Variants in TF observed in about 807,000 individuals in gnomAD.
TF encodes the protein serotransferrin.
TF carries 55 observed loss-of-function variants against 82.4 expected under a neutral mutation model. The ratio of observed to expected loss-of-function variants is 0.67; its 90% CI spans 0.54 to 0.84. The LOEUF (loss-of-function observed/expected upper bound fraction) is 0.84. TF is among the 40% of genes least tolerant of loss of function. The pLI is 0.00. For synonymous variants in TF, 332 were observed against 332.6 expected, an observed-to-expected ratio of 1.00 and a Z score of 0.02; for missense variants, 737 against 868.4, an observed-to-expected ratio of 0.85 and a Z score of 1.90.
chr3:133,663,360 T>TTC, the TF span, among the ~76,000 whole-genome samples: 1 of 149,634 alleles, frequency 6.7e-6, no homozygotes, highest in South Asian at 2.1e-4. Flanking sequence ...AATTTTTTTT[T>TTC]TTTTTTTTTT....
chr3:133,762,117 A>G (rs1934010549), intron 9 of TF: 1 of 213,662 alleles, frequency 4.7e-6, no homozygotes, highest in Non-Finnish European at 1.0e-5. Context: ...TTTACAGATG[A>G]TCGATCATAA....
the TF span, among the ~76,000 whole-genome samples, chr3:133,732,105 A>G: frequency 8.5e-5 from 13 of 152,196 alleles, no homozygotes; most frequent in South Asian, 2.1e-4. Context: ...GAAGGGGAAG[A>G]TATTGGTCAG....
rs1342211819 is a variant in TF at position 133,755,361 on chromosome 3, A to G, written c.503-2A>G. ...TGTTGTCCATTTCTCTGTGCTGAGC[A>G]GCAGTGGCCAATTTCTTCTCGGGCA... On this transcript the variant is annotated splice_acceptor_variant, in intron 4 of 16. Transcript: ENST00000402696. LOFTEE classifies it high-confidence loss of function. The G allele has an allele frequency of 3.7e-6, 6 of 1,614,062 alleles. No homozygotes were observed. The highest frequency in any genetic ancestry group is 4.2e-6 in the Non-Finnish European group (5 of 1,180,040).
chr3:133,696,020 C>T, the TF span, among the ~76,000 whole-genome samples: 1,004 of 152,288 alleles, frequency 6.6e-3, 9 homozygotes, highest in African/African-American at 0.023. Flanking sequence ...CCTGGCACTT[C>T]CCGTTTATGT....
At position 133,782,081 on chromosome 3, in the gene TF, T is replaced by C. The variant is rs769346055; in HGVS notation, c.*3461T>C. 6.6e-6 allele frequency: 1 copy of C among 152,126 alleles called. No homozygotes were observed. Among genetic ancestry groups the C allele is most frequent in the Non-Finnish European group, 1.5e-5 (1 of 68,026 alleles). 9.4% of individuals were successfully genotyped at this position (152,126 alleles called of 1,614,324 possible). ...TCACTAATCATAAGGGAAATGTGAA[T>C]TGAAACCATTATGAGACACTAGATA... On this transcript the variant is annotated 3_prime_UTR_variant, in exon 17 of 17. Coordinates refer to ENST00000402696, the MANE Select transcript of TF (RefSeq NM_001063.4).
In TF at chr3:133,790,662, AT is replaced by A. The variant is rs777306233; in HGVS notation, c.*12044del. 16 of 152,244 alleles carry A rather than the reference AT, an allele frequency of 1.1e-4. No individual in the cohort carries two copies. Among genetic ancestry groups the A allele is most frequent in the Non-Finnish European group, 2.9e-5 (2 of 68,046 alleles). 9.4% of individuals were successfully genotyped at this position (152,244 alleles called of 1,614,324 possible). On this transcript the variant is annotated 3_prime_UTR_variant, in exon 17 of 17. Transcript: ENST00000402696. Reference sequence around the variant, plus strand: ...AAAGAAATGCATCGGCAGTTTGGCAATTCCTTTTTACTATAGTTAAGCATGA... The same window carrying A: ...AAAGAAATGCATCGGCAGTTTGGCAATCCTTTTTACTATAGTTAAGCATGA...
the TF span, among the ~76,000 whole-genome samples, chr3:133,740,125 C>T: frequency 6.6e-6 from 1 of 152,140 alleles, no homozygotes; most frequent in Admixed American, 6.5e-5. Flanking sequence ...ACATGTGGCA[C>T]ATATACACGA....
intron 2 of TF, among the ~76,000 whole-genome samples, chr3:133,749,501 G>T (rs551220850): frequency 1.3e-5 from 2 of 152,164 alleles, no homozygotes; most frequent in Non-Finnish European, 2.9e-5. Flanking sequence ...CCAAAATGTG[G>T]GGATGTACAA....
the TF span, among the ~76,000 whole-genome samples, chr3:133,701,350 C>A: frequency 1.3e-5 from 2 of 152,208 alleles, no homozygotes; most frequent in Non-Finnish European, 2.9e-5. Flanking sequence ...AATAGTCCAT[C>A]TTAAACTGAA....
chr3:133,729,265 A>C, the TF span, among the ~76,000 whole-genome samples: 58,474 of 152,058 alleles, frequency 0.38, 11,809 homozygotes, highest in South Asian at 0.5. Flanking sequence ...CCAGAGATGG[A>C]GCCTACAAAG....
chr3:133,734,260 A>T, the TF span, among the ~76,000 whole-genome samples: 2 of 152,178 alleles, frequency 1.3e-5, no homozygotes, highest in Admixed American at 1.3e-4. Context: ...GGCACCCAGA[A>T]TTTGCTTTCT....
chr3:133,745,476 T>C (rs1933474763), upstream of TF, among the ~76,000 whole-genome samples: 1 of 152,240 alleles, frequency 6.6e-6, no homozygotes, highest in Non-Finnish European at 1.5e-5. Context: ...GATTGAAGTG[T>C]ACACATTTTT....
chr3:133,760,260 A>AT (rs1283068207), intron 9 of TF: 5 of 152,246 alleles, frequency 3.3e-5, no homozygotes, highest in Admixed American at 6.6e-5. Context: ...TTGTCAACAG[A>AT]TTTTTGCTGA....
At chr3:133,697,743 A>C in the TF span, among the ~76,000 whole-genome samples, 1 of 152,248 alleles carries the variant, frequency 6.6e-6, no homozygotes, top group African/African-American at 2.4e-5. Context: ...TTACTAAATC[A>C]TTTTGAAATT....
In TF at chr3:133,792,598, G is replaced by A. The variant is rs1020753969; in HGVS notation, c.*13978G>A. On this transcript the variant is annotated 3_prime_UTR_variant, in exon 17 of 17. Transcript: ENST00000402696. ...AAAGTTTTCACCAAAAGTAAAACTC[G>A]CTAAGAGTTAACATTGTAACATGTA... The A allele has an allele frequency of 7.9e-5, 12 of 152,072 alleles. No individual in the cohort carries two copies. Among genetic ancestry groups the A allele is most frequent in the African/African-American group, 2.4e-4 (10 of 41,410 alleles). The allele number at this position is 152,072 out of a possible 1,614,324, so 9.4% of individuals were successfully genotyped here. A position where few individuals can be genotyped will look rare whatever the true frequency, so the allele number is the denominator to read the frequency against.
chr3:133,785,024 C>T lies in TF; in HGVS notation c.*6404C>T, dbSNP rs571839782. 1.3e-5 allele frequency: 1 copy of T among 78,478 alleles called. No individual in the cohort carries two copies. Among genetic ancestry groups the T allele is most frequent in the Admixed American group, 1.6e-4 (1 of 6,272 alleles). 4.9% of individuals were successfully genotyped at this position (78,478 alleles called of 1,614,324 possible). A position where few individuals can be genotyped will look rare whatever the true frequency, so the allele number is the denominator to read the frequency against. ...GGGGTCAGCCCCCCGCCCGGCCAGCCGCCCCGTCTGGGAGGTGAGGGGCGC... is the reference window on the plus strand; with the variant it reads ...GGGGTCAGCCCCCCGCCCGGCCAGCTGCCCCGTCTGGGAGGTGAGGGGCGC... On this transcript the variant is annotated 3_prime_UTR_variant, in exon 17 of 17. Coordinates refer to ENST00000402696, the MANE Select transcript of TF (RefSeq NM_001063.4).
At chr3:133,755,875 C>T in intron 5 of TF, 1 of 435,970 alleles carries the variant, frequency 2.3e-6, no homozygotes, top group East Asian at 4.8e-5. Flanking sequence ...CAGCACACTG[C>T]CTGTCTCCTG....
the TF span, among the ~76,000 whole-genome samples, chr3:133,676,733 C>T: frequency 3.3e-5 from 5 of 152,242 alleles, no homozygotes; most frequent in African/African-American, 1.2e-4. Context: ...CACAAGGAAA[C>T]CCAGAGTGCA....
At chr3:133,671,346 T>C in the TF span, among the ~76,000 whole-genome samples, 5,871 of 152,240 alleles carry the variant, frequency 0.039, 416 homozygotes, top group African/African-American at 0.13. Context: ...ACAATAAAAT[T>C]AGAATATATT....
Sources: allele counts gnomAD v4.1 joint callset (sites outside exome capture counted in the v4.1 genomes callset), GRCh38; gene constraint gnomAD v4.1.1; transcripts MANE v1.5; gene names NCBI Gene and HGNC (gene_info 2026-07-23, HGNC 2026-07-21).